Variants in RANBP10 observed in about 807,000 individuals in gnomAD.
The protein encoded by RANBP10 is RAN binding protein 10, also known as ran-binding protein 10.
In RANBP10, 24 loss-of-function variants were observed where a neutral mutation model predicts 72.8. The observed-to-expected ratio is 0.33, with a 90% CI of 0.24 to 0.46. The LOEUF (loss-of-function observed/expected upper bound fraction) is 0.46, where lower values mean the gene tolerates loss of function less well. RANBP10 is among the 20% of genes least tolerant of loss of function. The probability of loss-of-function intolerance (pLI) is 1.00; values close to 1 mark genes in which losing one functional copy is unlikely to be tolerated. For missense variants in RANBP10, 679 were observed against 817.5 expected, an observed-to-expected ratio of 0.83 and a Z score of 2.07; for synonymous variants, 310 against 322.3, an observed-to-expected ratio of 0.96 and a Z score of 0.41.
intron 3 of RANBP10, among the ~76,000 whole-genome samples, chr16:67,757,655 C>T (rs887149731): frequency 2.0e-5 from 3 of 152,220 alleles, no homozygotes; most frequent in Admixed American, 6.5e-5. Flanking sequence ...GCAGGACCCA[C>T]GGCCTGGAGC....
chr16:67,761,182 A>C (rs2054389324), intron 3 of RANBP10, among the ~76,000 whole-genome samples: 2 of 152,310 alleles, frequency 1.3e-5, no homozygotes, highest in African/African-American at 2.4e-5. Flanking sequence ...AAACATCAAA[A>C]CTTCCACATC....
Position 67,806,446 on chromosome 16 carries a change from C to T in RANBP10, c.91G>A (p.Gly31Arg), listed in dbSNP as rs771216458. The T allele has an allele frequency of 6.3e-7, 1 of 1,575,208 alleles. No homozygotes were observed. Among genetic ancestry groups the T allele is most frequent in the Admixed American group, 1.8e-5 (1 of 54,306 alleles). Residue 31 changes from glycine (G) to arginine (R), a missense_variant, in exon 1 of 14, where the codon GGG becomes AGG. Physicochemically the swap from Gly to Arg is moderately radical, Grantham distance 125 (BLOSUM62 -2). Coordinates refer to ENST00000317506, the MANE Select transcript of RANBP10 (RefSeq NM_020850.3). ...AAGCGCCGGCTCAGCTCCTGCTCCCCAGGGGACGGCAGCCCGCCCCCAGCG... is the reference window on the plus strand; with the variant it reads ...AAGCGCCGGCTCAGCTCCTGCTCCCTAGGGGACGGCAGCCCGCCCCCAGCG... Reference protein sequence around the residue: ...GGAGGGLPSPGEQELSRRLQR... With the variant: ...GGAGGGLPSPREQELSRRLQR...
In RANBP10 at chr16:67,727,733, G is replaced by A; in HGVS notation, c.1620+18C>T. ...CCAAATGGGGCCTGCTCTGCATGAGGCCCGGCTCATCCTGTACCTGCAGCA... is the reference window on the plus strand; with the variant it reads ...CCAAATGGGGCCTGCTCTGCATGAGACCCGGCTCATCCTGTACCTGCAGCA... On this transcript the variant is annotated intron_variant, in intron 12 of 13. Transcript: ENST00000317506. 1 of 1,613,970 alleles carries A rather than the reference G, an allele frequency of 6.2e-7. No individual in the cohort carries two copies. The highest frequency in any genetic ancestry group is 8.5e-7 in the Non-Finnish European group (1 of 1,179,936).
intron 3 of RANBP10, among the ~76,000 whole-genome samples, chr16:67,767,070 A>G (rs2054516085): frequency 1.3e-5 from 2 of 152,220 alleles, no homozygotes; most frequent in South Asian, 4.1e-4. Context: ...CATGAGGAAA[A>G]TAGATTTTCC....
intron 2 of RANBP10, among the ~76,000 whole-genome samples, chr16:67,788,887 C>A (rs2054971981): frequency 6.6e-6 from 1 of 151,308 alleles, no homozygotes; most frequent in South Asian, 2.1e-4. Context: ...ATAGTCCCAG[C>A]TACTTGGGAG....
intron 2 of RANBP10, among the ~76,000 whole-genome samples, chr16:67,803,973 G>A (rs1164484937): frequency 6.6e-6 from 1 of 151,990 alleles, no homozygotes; most frequent in Admixed American, 6.6e-5. Flanking sequence ...GGAGACTGAA[G>A]CTCCAACATC....
chr16:67,770,741 G>A (rs907134547), intron 3 of RANBP10, among the ~76,000 whole-genome samples: 7 of 152,150 alleles, frequency 4.6e-5, no homozygotes, highest in African/African-American at 1.7e-4. Context: ...GAGCTGCTGG[G>A]CAGAAAATAG....
intron 5 of RANBP10, among the ~76,000 whole-genome samples, 172 bp downstream of exon 5, chr16:67,737,841 G>A (rs982988278): frequency 2.6e-5 from 4 of 152,132 alleles, no homozygotes; most frequent in Non-Finnish European, 5.9e-5. Context: ...CTGCTGGAGA[G>A]AGAGGAAGGC....
chr16:67,777,129 G>A (rs1474037878), intron 2 of RANBP10, among the ~76,000 whole-genome samples: 1 of 151,996 alleles, frequency 6.6e-6, no homozygotes, highest in Non-Finnish European at 1.5e-5. Context: ...AGAATTGCAG[G>A]AACCCGGGAG....
intron 3 of RANBP10, among the ~76,000 whole-genome samples, chr16:67,750,106 T>C (rs2054166605): frequency 6.6e-6 from 1 of 152,142 alleles, no homozygotes; most frequent in Non-Finnish European, 1.5e-5. Context: ...TTGCCAGGGG[T>C]CTGGGATGCC....
intron 4 of RANBP10, among the ~76,000 whole-genome samples, chr16:67,740,820 C>T (rs972088477): frequency 1.3e-4 from 20 of 152,222 alleles, no homozygotes; most frequent in African/African-American, 3.9e-4. Flanking sequence ...GTCTGCCTGT[C>T]TGAAGCCACT....
At chr16:67,731,433 A>G in intron 7 of RANBP10, 39 bp downstream of exon 7, 1 of 1,526,492 alleles carries the variant, frequency 6.6e-7, no homozygotes, top group Non-Finnish European at 9.1e-7. Context: ...AGTTAGGGAC[A>G]GGTGAGGAAG....
intron 3 of RANBP10, among the ~76,000 whole-genome samples, chr16:67,765,712 T>G (rs2054488963): frequency 6.6e-6 from 1 of 151,594 alleles, no homozygotes; most frequent in South Asian, 2.1e-4. Context: ...GGTGGGCGCC[T>G]GTAGTCTCAG....
intron 2 of RANBP10, among the ~76,000 whole-genome samples, chr16:67,803,248 C>T (rs2055268809): frequency 6.6e-6 from 1 of 152,082 alleles, no homozygotes; most frequent in African/African-American, 2.4e-5. Flanking sequence ...TGAAAGATGG[C>T]CGGGTGCAGT....
At chr16:67,760,109 A>AG (rs1194613325) in intron 3 of RANBP10, among the ~76,000 whole-genome samples, 1 of 152,016 alleles carries the variant, frequency 6.6e-6, no homozygotes, top group Non-Finnish European at 1.5e-5. Context: ...CAAAAAAAAA[A>AG]AAAAAGAAAA....
At chr16:67,765,131 C>T (rs1398669555) in intron 3 of RANBP10, among the ~76,000 whole-genome samples, 4 of 119,404 alleles carry the variant, frequency 3.3e-5, no homozygotes, top group South Asian at 5.9e-4. Flanking sequence ...GCCCAGGAGG[C>T]GGAGGTTGCA....
At chr16:67,728,181 C>T (rs1197148861) in intron 11 of RANBP10, among the ~76,000 whole-genome samples, 3 of 152,234 alleles carry the variant, frequency 2.0e-5, no homozygotes, top group Admixed American at 6.5e-5. Context: ...CAGCCTCAAA[C>T]ATAGGTGGTC....
At chr16:67,800,510 T>C (rs563437376) in intron 2 of RANBP10, among the ~76,000 whole-genome samples, 2 of 152,288 alleles carry the variant, frequency 1.3e-5, no homozygotes, top group Admixed American at 6.5e-5. Context: ...CACAGGTCCA[T>C]GAACTCTGCC....
chr16:67,744,178 T>C (rs1306533343), intron 4 of RANBP10, 110 bp downstream of exon 4: 2 of 1,508,922 alleles, frequency 1.3e-6, no homozygotes, highest in Non-Finnish European at 1.8e-6. Flanking sequence ...AATGGTGCGG[T>C]ACCCCAGAGC....
Sources: allele counts gnomAD v4.1 joint callset (sites outside exome capture counted in the v4.1 genomes callset), GRCh38; gene constraint gnomAD v4.1.1; transcripts MANE v1.5; gene names NCBI Gene and HGNC (gene_info 2026-07-23, HGNC 2026-07-21).